COL25A1: variants seen among roughly 807,000 people sequenced by gnomAD.
COL25A1 encodes collagen type XXV alpha 1 chain, also known as collagen alpha-1(XXV) chain.
Under a neutral mutation model 128.4 loss-of-function variants are expected in COL25A1, and 103 were observed. That is an observed-to-expected ratio of 0.80 (90% CI 0.68 to 0.94). COL25A1 has a LOEUF of 0.94. Ranked by LOEUF, COL25A1 falls within the 40% of genes least tolerant of loss-of-function variation. The pLI is 0.00. For missense variants in COL25A1, 745 were observed against 840.0 expected, an observed-to-expected ratio of 0.89 and a Z score of 1.40; for synonymous variants, 279 against 277.2, an observed-to-expected ratio of 1.01 and a Z score of -0.06.
chr4:108,931,482 C>T (rs1390148888), intron 11 of COL25A1, among the ~76,000 whole-genome samples: 1 of 152,208 alleles, frequency 6.6e-6, no homozygotes, highest in African/African-American at 2.4e-5. Context: ...GTCATCTACT[C>T]AGCTGTTGAG....
At chr4:109,056,209 T>C (rs1168763471) in intron 3 of COL25A1, among the ~76,000 whole-genome samples, 3 of 152,126 alleles carry the variant, frequency 2.0e-5, no homozygotes, top group Non-Finnish European at 4.4e-5. Context: ...TACTAACAAA[T>C]GTGTGAGGGA....
At chr4:108,928,771 A>T (rs1029049854) in intron 11 of COL25A1, among the ~76,000 whole-genome samples, 3 of 151,924 alleles carry the variant, frequency 2.0e-5, no homozygotes, top group Admixed American at 6.6e-5. Flanking sequence ...CTGGTCTCAA[A>T]CTCCTGAGCT....
intron 2 of COL25A1, 83 bp from the exon 3 acceptor site, chr4:109,300,735 A>T: frequency 1.1e-6 from 1 of 881,690 alleles, no homozygotes; most frequent in South Asian, 1.4e-5. Flanking sequence ...CATACGCCTG[A>T]TTTACCGGCA....
At chr4:108,954,761 C>T (rs915432688) in intron 8 of COL25A1, among the ~76,000 whole-genome samples, 1 of 151,648 alleles carries the variant, frequency 6.6e-6, no homozygotes. Context: ...GGTCTTTCAA[C>T]TTAGTAAATT....
chr4:109,108,488 C>T (rs1216346619), intron 3 of COL25A1, among the ~76,000 whole-genome samples: 1 of 152,032 alleles, frequency 6.6e-6, no homozygotes, highest in African/African-American at 2.4e-5. Context: ...CTGCAATAAA[C>T]ATACGTGTGC....
intron 3 of COL25A1, among the ~76,000 whole-genome samples, chr4:109,105,897 T>C (rs975114297): frequency 4.0e-5 from 6 of 150,152 alleles, no homozygotes; most frequent in Non-Finnish European, 7.4e-5. Context: ...GTATTGAGTA[T>C]GGTTAGTTTC....
chr4:109,256,276 T>C (rs116190525), intron 3 of COL25A1, among the ~76,000 whole-genome samples: 1 of 152,274 alleles, frequency 6.6e-6, no homozygotes, highest in African/African-American at 2.4e-5. Flanking sequence ...GTATGGACAG[T>C]TAAGTAAATT....
intron 5 of COL25A1, among the ~76,000 whole-genome samples, chr4:109,018,181 AG>A (rs1757390069): frequency 6.6e-6 from 1 of 152,120 alleles, no homozygotes. Context: ...GAGGGCCAAT[AG>A]GAGTCCTGTC....
chr4:109,036,758 T>C (rs748391331), intron 5 of COL25A1, among the ~76,000 whole-genome samples: 10 of 152,210 alleles, frequency 6.6e-5, no homozygotes, highest in Non-Finnish European at 1.3e-4. Flanking sequence ...TGGTGAAAGA[T>C]ATATACATTC....
intron 3 of COL25A1, among the ~76,000 whole-genome samples, chr4:109,274,879 C>T (rs1282176341): frequency 2.0e-5 from 3 of 152,170 alleles, no homozygotes; most frequent in African/African-American, 7.2e-5. Flanking sequence ...TTAACTCTCT[C>T]TATGAAAATT....
chr4:108,873,188 C>A (rs981177369), intron 19 of COL25A1, among the ~76,000 whole-genome samples: 1 of 152,196 alleles, frequency 6.6e-6, no homozygotes, highest in Non-Finnish European at 1.5e-5. Context: ...CCACTCCCCC[C>A]AGGCAGCTTT....
At chr4:108,853,905 C>T (rs955481450) in intron 24 of COL25A1, among the ~76,000 whole-genome samples, 10 of 152,078 alleles carry the variant, frequency 6.6e-5, no homozygotes, top group Non-Finnish European at 1.5e-4. Context: ...TTTTCTTTAT[C>T]CAGTCTATCA....
At chr4:109,268,331 C>T (rs552812234) in intron 3 of COL25A1, among the ~76,000 whole-genome samples, 174 of 152,100 alleles carry the variant, frequency 1.1e-3, no homozygotes, top group African/African-American at 4.1e-3. Flanking sequence ...TTCTTGTATC[C>T]ATTTGATGCT....
chr4:108,960,593 C>G (rs1190847971), intron 8 of COL25A1, among the ~76,000 whole-genome samples: 2 of 152,130 alleles, frequency 1.3e-5, no homozygotes, highest in Admixed American at 6.5e-5. Flanking sequence ...CTGTTAAATT[C>G]AAGGACTACG....
At chr4:108,913,876 T>C (rs989001744) in intron 13 of COL25A1, among the ~76,000 whole-genome samples, 1 of 152,202 alleles carries the variant, frequency 6.6e-6, no homozygotes, top group Middle Eastern at 3.2e-3. Context: ...TGACCAATAT[T>C]CAAATATACA....
At chr4:109,154,560 T>C (rs1237104755) in intron 3 of COL25A1, among the ~76,000 whole-genome samples, 2 of 152,168 alleles carry the variant, frequency 1.3e-5, no homozygotes, top group South Asian at 2.1e-4. Flanking sequence ...GTGGGGCACA[T>C]ACAGACTTGA....
intron 3 of COL25A1, among the ~76,000 whole-genome samples, chr4:109,147,283 A>T (rs1252846473): frequency 6.6e-6 from 1 of 152,190 alleles, no homozygotes. Context: ...TAACCCAAGG[A>T]AACAGGAAAG....
At chr4:109,151,564 T>C in intron 3 of COL25A1, among the ~76,000 whole-genome samples, 1 of 152,126 alleles carries the variant, frequency 6.6e-6, no homozygotes, top group Non-Finnish European at 1.5e-5. Flanking sequence ...TAAAGTCCAG[T>C]AGCAGCATTA....
chr4:109,269,264 A>G (rs889928122), intron 3 of COL25A1, among the ~76,000 whole-genome samples: 9 of 141,590 alleles, frequency 6.4e-5, no homozygotes, highest in African/African-American at 2.5e-4. Context: ...ACATGAACGC[A>G]TTATTTTTTA....
Sources: allele counts gnomAD v4.1 joint callset (sites outside exome capture counted in the v4.1 genomes callset), GRCh38; gene constraint gnomAD v4.1.1; transcripts MANE v1.5; gene names NCBI Gene and HGNC (gene_info 2026-07-23, HGNC 2026-07-21).